The following MAPKBP1 variants were observed in gnomAD, a reference collection of about 807,000 sequenced individuals.
MAPKBP1 encodes the protein mitogen-activated protein kinase-binding protein 1.
MAPKBP1 carries 71 observed loss-of-function variants against 170.5 expected under a neutral mutation model. The observed-to-expected ratio is 0.42, with a 90% CI of 0.34 to 0.51. The LOEUF (loss-of-function observed/expected upper bound fraction) is 0.51, where lower values mean the gene tolerates loss of function less well. MAPKBP1 is among the 20% of genes least tolerant of loss of function. The pLI is 0.06. For synonymous variants in MAPKBP1, 719 were observed against 757.9 expected (o/e 0.95, Z 0.84); for missense variants, 1,598 against 1,933.0 (o/e 0.83, Z 3.25).
At chr15:41,796,286 G>A (rs2152072920) in intron 2 of MAPKBP1, among the ~76,000 whole-genome samples, 1 of 152,272 alleles carries the variant, frequency 6.6e-6, no homozygotes. Context: ...TGTTTGCAGG[G>A]GATGTTCAAA....
intron 2 of MAPKBP1, among the ~76,000 whole-genome samples, chr15:41,794,460 C>T (rs1392566858): frequency 1.3e-5 from 2 of 152,116 alleles, no homozygotes; most frequent in Admixed American, 6.6e-5. Flanking sequence ...ACAATAAAGA[C>T]GTGGAATAAT....
chr15:41,799,814 C>T lies in MAPKBP1; in HGVS notation c.115-9C>T, dbSNP rs1567141916. 2 of 1,610,836 alleles carry T rather than the reference C, an allele frequency of 1.2e-6. No homozygotes were observed. The highest frequency in any genetic ancestry group is 1.7e-6 in the Non-Finnish European group (2 of 1,177,014). On this transcript the variant is annotated splice_polypyrimidine_tract_variant and intron_variant, in intron 2 of 30. Transcript: ENST00000457542. ...TCTGTAACATGTCACTTCTCTCTTC[C>T]TCTAACAGGTGACCTTGGAGAAGGT...
chr15:41,817,989 A>G lies in MAPKBP1; in HGVS notation c.1905-20A>G. ...CACCTTCACCGCCTCCTCATGAGAA[A>G]GAGACTATGTTTCTTACAGGATATT... On this transcript the variant is annotated intron_variant, in intron 16 of 30. Transcript: ENST00000457542. This position sits in a 1 kb window ranked among gnomAD's most constrained non-coding sequence, Gnocchi z 4.2. 6.2e-7 allele frequency: 1 copy of G among 1,613,284 alleles called. No homozygotes were observed. The highest frequency in any genetic ancestry group is 8.5e-7 in the Non-Finnish European group (1 of 1,179,226).
chr15:41,813,586 G>C lies in MAPKBP1; in HGVS notation c.820-35G>C, dbSNP rs1380809345. 1.9e-6 allele frequency: 3 copies of C among 1,606,602 alleles called. No individual in the cohort carries two copies. The African/African-American group carries it at 4.0e-5, about 22-fold the overall frequency. ...GGGAGGAGAGAAGACTGAGTGGGCA[G>C]GTGGCCTTGCTGAGCTGAGCCACTC... On this transcript the variant is annotated intron_variant, in intron 8 of 30. Coordinates refer to ENST00000457542, the MANE Select transcript of MAPKBP1 (RefSeq NM_014994.3).
intron 3 of MAPKBP1, among the ~76,000 whole-genome samples, chr15:41,802,240 G>A (rs1298123658): frequency 6.6e-6 from 1 of 152,230 alleles, no homozygotes; most frequent in Non-Finnish European, 1.5e-5. Context: ...TGTTCTGGGT[G>A]AGTCAGTGAG....
At chr15:41,813,562 G>A in intron 8 of MAPKBP1, 59 bp from the exon 9 acceptor site, 5 of 1,589,994 alleles carry the variant, frequency 3.1e-6, no homozygotes, top group South Asian at 1.1e-5. Flanking sequence ...TGATGGGTGG[G>A]GAGGAGAGAA....
intron 4 of MAPKBP1, 104 bp downstream of exon 4, chr15:41,811,049 C>T: frequency 6.5e-7 from 1 of 1,546,552 alleles, no homozygotes; most frequent in South Asian, 1.1e-5. Context: ...TGGTTGGGTC[C>T]TAAAGCCAGA....
chr15:41,820,799 G>C (rs1349853811), intron 22 of MAPKBP1, 33 bp from the exon 23 acceptor site: 2 of 1,529,720 alleles, frequency 1.3e-6, no homozygotes, highest in African/African-American at 2.7e-5. Context: ...TGTGGTTGTT[G>C]TTACTCCTCC....
chr15:41,817,261 T>G lies in MAPKBP1; in HGVS notation c.1712-127T>G. On this transcript the variant is annotated intron_variant, in intron 14 of 30. Transcript: ENST00000457542. The surrounding 1 kb of genome is among the most constrained non-coding windows in gnomAD (Gnocchi z 4.2). ...GACAGGAAAACCTGGGTTTCCAGGT[T>G]TAATTTAGTTGGTTTTCCCTGGCAT... 8.1e-7 allele frequency: 1 copy of G among 1,239,104 alleles called. No homozygotes were observed. The highest frequency in any genetic ancestry group is 1.2e-6 in the Non-Finnish European group (1 of 863,406). The allele number at this position is 1,239,104 out of a possible 1,614,324, so 76.8% of individuals were successfully genotyped here.
Position 41,812,000 on chromosome 15 carries a change from A to G in MAPKBP1, c.371A>G (p.His124Arg). 6.2e-7 allele frequency: 1 copy of G among 1,614,080 alleles called. No individual in the cohort carries two copies. The highest frequency in any genetic ancestry group is 1.3e-5 in the African/African-American group (1 of 75,010). Reference protein sequence around the residue: ...PAVRVWDVAEHSQVAELQEHK... With the variant: ...PAVRVWDVAERSQVAELQEHK... ...GTGCGGGTTTGGGACGTGGCAGAGC[A>G]CAGCCAGGTGGCCGAGCTGCAGGAG... The change falls in exon 6 of 31, where the codon CAC becomes CGC. Residue 124 changes from histidine to arginine, a missense_variant. Physicochemically the swap from His to Arg is conservative, Grantham distance 29. This residue lies in a region of MAPKBP1 where 151 missense variants were observed against 191.4 expected (regional missense o/e 0.79). Coordinates refer to ENST00000457542, the MANE Select transcript of MAPKBP1 (RefSeq NM_014994.3).
In MAPKBP1 at chr15:41,775,308, G is replaced by A; in HGVS notation, c.33G>A (p.Arg11=). Residue 11 remains arginine (R), a synonymous_variant, in exon 2 of 31, where the codon CGG becomes CGA. Coordinates refer to ENST00000457542, the MANE Select transcript of MAPKBP1 (RefSeq NM_014994.3). ...TGGAAGGGTCAACCATTACCAGCCG[G>A]ATCAAGAATCTGTTGAGATCTCCAT... MAVEGSTITS[R]IKNLLRSPSI... is the part of the protein sequence containing the mutation. The A allele has an allele frequency of 6.2e-7, 1 of 1,614,162 alleles. No homozygotes were observed. Among genetic ancestry groups the A allele is most frequent in the Non-Finnish European group, 8.5e-7 (1 of 1,180,034 alleles).
In MAPKBP1 at chr15:41,815,724, G is replaced by A. The variant is rs775487989; in HGVS notation, c.1418G>A (p.Arg473His). 20 of 1,614,156 alleles carry A rather than the reference G, an allele frequency of 1.2e-5. No homozygotes were observed. In the African/African-American group the frequency reaches 1.3e-4, roughly 11 times the overall value. The change falls in exon 12 of 31, where the codon CGC becomes CAC. Residue 473 changes from arginine to histidine, a missense_variant. Arg to His is a conservative substitution (Grantham distance 29). Around this residue, in one of 6 missense-constraint regions of MAPKBP1, gnomAD observed 430 missense variants for 617.2 expected, o/e 0.70. Coordinates refer to ENST00000457542, the MANE Select transcript of MAPKBP1 (RefSeq NM_014994.3). The part of the protein sequence containing the change: ...DKADASLLDP[R>H]VGIRSVCVSP... ...GCTGATGCATCCCTGTTGGATCCCC[G>A]CGTGGGCATCCGCTCGGTGTGTGTC...
At chr15:41,805,219 T>A (rs566229333) in intron 3 of MAPKBP1, among the ~76,000 whole-genome samples, 144 of 152,338 alleles carry the variant, frequency 9.5e-4, no homozygotes, top group African/African-American at 3.3e-3. Context: ...AGCTCCAGGC[T>A]GAGCATGGAG....
chr15:41,776,016 C>G (rs1348191769), intron 2 of MAPKBP1, among the ~76,000 whole-genome samples: 5 of 152,226 alleles, frequency 3.3e-5, no homozygotes, highest in Non-Finnish European at 5.9e-5. Flanking sequence ...TGCCAAGAGC[C>G]ACATCCCACT....
intron 2 of MAPKBP1, among the ~76,000 whole-genome samples, chr15:41,777,422 C>G (rs2064116770): frequency 2.0e-5 from 3 of 151,874 alleles, no homozygotes; most frequent in African/African-American, 7.3e-5. Context: ...GAAGAGCTCT[C>G]CAGGAAAACA....
chr15:41,798,136 G>A (rs1182991690), intron 2 of MAPKBP1, among the ~76,000 whole-genome samples: 2 of 149,642 alleles, frequency 1.3e-5, no homozygotes, highest in East Asian at 4.1e-4. Flanking sequence ...TGTAGTCCCA[G>A]CTACTCAGGA....
chr15:41,825,322 C>G lies in MAPKBP1; in HGVS notation c.4413C>G (p.Ser1471=). The change falls in exon 31 of 31, where the codon TCC becomes TCG. Residue 1471 remains serine, a synonymous_variant. Coordinates refer to ENST00000457542, the MANE Select transcript of MAPKBP1 (RefSeq NM_014994.3). ...ELEAVAGAVL[S]SPGSSPGAVG... ...AAGCTGTGGCTGGGGCAGTGCTGTC[C>G]AGCCCAGGCAGCAGCCCTGGGGCTG... The G allele has an allele frequency of 1.2e-6, 2 of 1,613,276 alleles. No individual in the cohort carries two copies. Among genetic ancestry groups the G allele is most frequent in the Non-Finnish European group, 1.7e-6 (2 of 1,179,956 alleles).
intron 3 of MAPKBP1, among the ~76,000 whole-genome samples, chr15:41,807,365 C>A (rs1370637828): frequency 6.6e-6 from 1 of 152,170 alleles, no homozygotes; most frequent in Non-Finnish European, 1.5e-5. Flanking sequence ...GATGCACTAC[C>A]CTTTAAAGGC....
intron 23 of MAPKBP1, 92 bp from the exon 24 acceptor site, chr15:41,821,492 G>A (rs989127381): frequency 8.3e-7 from 1 of 1,211,388 alleles, no homozygotes; most frequent in Non-Finnish European, 1.2e-6. Flanking sequence ...CAAGGGGAGG[G>A]TTGGCCCCCA....
Sources: allele counts gnomAD v4.1 joint callset (sites outside exome capture counted in the v4.1 genomes callset), GRCh38; gene constraint gnomAD v4.1.1; regional missense constraint gnomAD v4.1.1; non-coding constraint Gnocchi (gnomAD v3.1); transcripts MANE v1.5; gene names NCBI Gene and HGNC (gene_info 2026-07-23, HGNC 2026-07-21).